Variants in OR2V1 observed in about 807,000 individuals in gnomAD.
The protein encoded by OR2V1 is olfactory receptor 2V1.
In OR2V1, 18 loss-of-function variants were observed where a neutral mutation model predicts 15.0. The ratio of observed to expected loss-of-function variants is 1.20; its 90% CI spans 0.83 to 1.78. The LOEUF (loss-of-function observed/expected upper bound fraction) is 1.78, where lower values mean the gene tolerates loss of function less well. OR2V1 is among the 40% of genes most tolerant of loss of function. The pLI, the probability that OR2V1 is intolerant of heterozygous loss-of-function variation, is 0.00. For missense variants in OR2V1, 359 were observed against 392.9 expected (o/e 0.91, Z 0.73); for synonymous variants, 144 against 146.1 (o/e 0.99, Z 0.10).
rs1051075493 is a variant in OR2V1, at chr5:181,124,162, G to A, written c.*195C>T. 4.9e-5 allele frequency: 23 copies of A among 465,904 alleles called. No homozygotes were observed. The highest frequency in any genetic ancestry group is 2.9e-4 in the African/African-American group (15 of 51,074). 28.9% of individuals were successfully genotyped at this position (465,904 alleles called of 1,614,324 possible). A position where few individuals can be genotyped will look rare whatever the true frequency, so the allele number is the denominator to read the frequency against. ...ATCTTTACAAAATCCCTCAGAGCAC[G>A]AGTGTCCTGATTATCTTTTTTTCCT... On this transcript the variant is annotated 3_prime_UTR_variant, in exon 4 of 4. Coordinates refer to ENST00000641551, the MANE Select transcript of OR2V1 (RefSeq NM_001258283.2).
Position 181,128,808 on chromosome 5 carries a change from G to C in OR2V1, c.-22+712C>G, listed in dbSNP as rs529015748. On this transcript the variant is annotated intron_variant, in intron 3 of 3. Coordinates refer to ENST00000641551, the MANE Select transcript of OR2V1 (RefSeq NM_001258283.2). ...CCCCAGGCTGCTCATGTGGGTGTCTGTTCTCTGCTTTCCCAACTAGAACCC... is the reference window on the plus strand; with the variant it reads ...CCCCAGGCTGCTCATGTGGGTGTCTCTTCTCTGCTTTCCCAACTAGAACCC... Among the ~76,000 whole-genome samples the C allele has an allele frequency of 7.2e-5, 11 of 152,312 alleles. No homozygotes were observed. In the South Asian group the frequency reaches 2.1e-3, roughly 29 times the overall value.
In OR2V1 at chr5:181,124,806, A is replaced by G; in HGVS notation, c.499T>C (p.Leu167=). The G allele has an allele frequency of 6.3e-7, 1 of 1,594,752 alleles. No individual in the cohort carries two copies. Among genetic ancestry groups the G allele is most frequent in the Admixed American group, 1.8e-5 (1 of 56,430 alleles). The change falls in exon 4 of 4, where the codon TTA becomes CTA. Residue 167 remains leucine (L), a synonymous_variant. Coordinates refer to ENST00000641551, the MANE Select transcript of OR2V1 (RefSeq NM_001258283.2). ...GVIQMVAAMG[L]PYCGSRSVDH... The stretch of plus-strand genomic sequence containing the variant: ...ACGCTCCTTGAGCCACAGTAAGGTA[A>G]GCCCATGGCTGCCACCATCTGAATC...
intron 3 of OR2V1, among the ~76,000 whole-genome samples, chr5:181,125,723 C>T (rs1393707816): frequency 3.9e-5 from 6 of 152,224 alleles, no homozygotes; most frequent in South Asian, 2.1e-4. Flanking sequence ...CGGTGGCTCA[C>T]GCCTGTAATC....
intron 3 of OR2V1, among the ~76,000 whole-genome samples, chr5:181,128,768 T>C (rs1041410717): frequency 6.6e-6 from 1 of 152,154 alleles, no homozygotes; most frequent in Non-Finnish European, 1.5e-5. Flanking sequence ...ACAGCAGGCA[T>C]ATATGCAAGG....
intron 3 of OR2V1, among the ~76,000 whole-genome samples, chr5:181,126,934 C>A (rs1762881625): frequency 6.6e-6 from 1 of 152,262 alleles, no homozygotes; most frequent in Non-Finnish European, 1.5e-5. Flanking sequence ...CCATCCTTTG[C>A]TGGTTTTCCT....
Position 181,124,489 on chromosome 5 carries a change from G to A in OR2V1, c.816C>T (p.Asp272=). The change falls in exon 4 of 4, where the codon GAC becomes GAT. Residue 272 remains aspartate (D), a synonymous_variant. Coordinates refer to ENST00000641551, the MANE Select transcript of OR2V1 (RefSeq NM_001258283.2). ...RPRRYRAPSH[D]KVASIFYTVL... ...CTGTGTAGAAGATAGAGGCCACCTTGTCATGGCTAGGGGCCCGGTAGCGCC... is the reference window on the plus strand; with the variant it reads ...CTGTGTAGAAGATAGAGGCCACCTTATCATGGCTAGGGGCCCGGTAGCGCC... 1.2e-6 allele frequency: 2 copies of A among 1,613,984 alleles called. No individual in the cohort carries two copies. The highest frequency in any genetic ancestry group is 1.7e-5 in the Admixed American group (1 of 59,998).
rs550735334 is a variant in OR2V1, at chr5:181,124,505, C to T, written c.800G>A (p.Arg267Gln). The T allele has an allele frequency of 8.7e-5, 140 of 1,613,774 alleles. 1 individual carries two copies. In the South Asian group the frequency reaches 1.2e-3, roughly 14 times the overall value. Residue 267 changes from arginine to glutamine, a missense_variant, in exon 4 of 4, where the codon CGG becomes CAG. Transcript: ENST00000641551. ...GGCCACCTTGTCATGGCTAGGGGCCCGGTAGCGCCTAGGCCTCAGGTACAT... is the reference window on the plus strand; with the variant it reads ...GGCCACCTTGTCATGGCTAGGGGCCTGGTAGCGCCTAGGCCTCAGGTACAT... Reference protein sequence around the residue: ...MFMYLRPRRYRAPSHDKVASI... With the variant: ...MFMYLRPRRYQAPSHDKVASI...
At position 181,124,965 on chromosome 5, in the gene OR2V1, GC is replaced by G. The variant is rs1561622882; in HGVS notation, c.339del (p.Leu114SerfsTer24). 1.2e-6 allele frequency: 2 copies of G among 1,614,058 alleles called. No homozygotes were observed. The highest frequency in any genetic ancestry group is 1.7e-6 in the Non-Finnish European group (2 of 1,180,034). On this transcript the variant is annotated frameshift_variant, in exon 4 of 4. Coordinates refer to ENST00000641551, the MANE Select transcript of OR2V1 (RefSeq NM_001258283.2). LOFTEE classifies it high-confidence loss of function. ...GFFVSLVGSE[G>X]LLLGLMAYDR... is the part of the protein sequence containing the mutation. The stretch of plus-strand genomic sequence containing the variant: ...TCATAAGCCATGAGTCCCAGCAAGA[GC>G]CCCTCAGATCCCACAAGAGAGACAA...
intron 3 of OR2V1, among the ~76,000 whole-genome samples, chr5:181,126,224 G>T (rs956384536): frequency 4.6e-5 from 7 of 152,150 alleles, no homozygotes; most frequent in South Asian, 4.2e-4. Context: ...TTTCTGATGG[G>T]TTATTGTAGC....
At chr5:181,128,793 C>T (rs1336839695) in intron 3 of OR2V1, among the ~76,000 whole-genome samples, 1 of 152,218 alleles carries the variant, frequency 6.6e-6, no homozygotes, top group Non-Finnish European at 1.5e-5. Flanking sequence ...CCCCAGGCTG[C>T]TCATGTGGGT....
intron 3 of OR2V1, among the ~76,000 whole-genome samples, chr5:181,127,812 T>G (rs1363537): frequency 6.6e-6 from 1 of 150,980 alleles, no homozygotes; most frequent in South Asian, 2.1e-4. Flanking sequence ...CAAACCAGGT[T>G]CCCCCAGATC....
rs186603888 is a variant in OR2V1 at position 181,130,220 on chromosome 5, G to A, written c.-120-5C>T. 3.5e-5 allele frequency: 14 copies of A among 398,816 alleles called. No individual in the cohort carries two copies. The highest frequency in any genetic ancestry group is 2.2e-4 in the Admixed American group (5 of 22,746). 24.7% of individuals were successfully genotyped at this position (398,816 alleles called of 1,614,324 possible). ...GAACAAACTCAGCAGAGTCACCTGT[G>A]GAGGAGTTCCTAGCGTCAGAGCCAT... On this transcript the variant is annotated splice_polypyrimidine_tract_variant and splice_region_variant and intron_variant, in intron 1 of 3. Transcript: ENST00000641551.
At chr5:181,129,637 G>T (rs1762933532) in intron 2 of OR2V1, 62 bp from the exon 3 acceptor site, 1 of 152,288 alleles carries the variant, frequency 6.6e-6, no homozygotes, top group South Asian at 2.1e-4. Context: ...GCCTCTCACT[G>T]GCTTATCTTC....
At chr5:181,127,056 C>G (rs749516185) in intron 3 of OR2V1, among the ~76,000 whole-genome samples, 42 of 152,240 alleles carry the variant, frequency 2.8e-4, no homozygotes, top group Non-Finnish European at 5.0e-4. Context: ...CGCTGAATGT[C>G]TCGTTCTCCC....
chr5:181,129,910 C>T (rs149857621), intron 2 of OR2V1, among the ~76,000 whole-genome samples: 17 of 152,092 alleles, frequency 1.1e-4, no homozygotes, highest in East Asian at 3.9e-4. Flanking sequence ...GGGAGGGGGA[C>T]GGGAAAAGGG....
intron 3 of OR2V1, among the ~76,000 whole-genome samples, chr5:181,127,140 T>C (rs1315447873): frequency 1.3e-5 from 2 of 152,200 alleles, no homozygotes; most frequent in Non-Finnish European, 2.9e-5. Context: ...ATTTGGACCG[T>C]CCCCGTCTGT....
chr5:181,130,898 G>C (rs576975063), intron 1 of OR2V1, among the ~76,000 whole-genome samples, 152 bp downstream of exon 1: 1 of 152,274 alleles, frequency 6.6e-6, no homozygotes, highest in Admixed American at 6.5e-5. Context: ...GCTGTCCCTT[G>C]GGCCCTCGCT....
At chr5:181,125,751 T>G (rs1230194649) in intron 3 of OR2V1, among the ~76,000 whole-genome samples, 1 of 152,234 alleles carries the variant, frequency 6.6e-6, no homozygotes, top group Non-Finnish European at 1.5e-5. Context: ...TCTGGGATGC[T>G]GAGGCGGGTG....
At position 181,124,711 on chromosome 5, in the gene OR2V1, G is replaced by A; in HGVS notation, c.594C>T (p.Thr198=). ...LACADTSLFD[T]LLFACCVFML... ...TGAAGACACAGCAAGCAAAGAGGAG[G>A]GTGTCAAAAAGGGAAGTGTCTGCAC... is the stretch of plus-strand genomic sequence containing the variant. Residue 198 remains threonine, a synonymous_variant, in exon 4 of 4, where the codon ACC becomes ACT. Transcript: ENST00000641551. The A allele has an allele frequency of 6.2e-7, 1 of 1,611,878 alleles. No individual in the cohort carries two copies. Among genetic ancestry groups the A allele is most frequent in the Non-Finnish European group, 8.5e-7 (1 of 1,179,942 alleles).
Sources: gnomAD v4.1 joint callset for allele counts (sites outside exome capture counted in the v4.1 genomes callset) on GRCh38, gnomAD v4.1.1 for gene constraint, MANE v1.5 for transcripts, NCBI Gene and HGNC (gene_info 2026-07-23, HGNC 2026-07-21) for gene names.